The following GMCL1 variants were observed in gnomAD, a reference collection of about 807,000 sequenced individuals.
The protein encoded by GMCL1 is germ cell-less 1, spermatogenesis associated, also known as germ cell-less protein-like 1.
GMCL1 carries 54 observed loss-of-function variants against 75.5 expected under a neutral mutation model. The ratio of observed to expected loss-of-function variants is 0.71; its 90% CI spans 0.57 to 0.90. The LOEUF is 0.90. GMCL1 is among the 40% of genes least tolerant of loss of function. The pLI is 0.00. For synonymous variants in GMCL1, 210 were observed against 209.6 expected (o/e 1.00, Z -0.02); for missense variants, 537 against 622.7 (o/e 0.86, Z 1.47).
chr2:69,869,983 T>G, intron 12 of GMCL1, 119 bp downstream of exon 12: 1 of 950,864 alleles, frequency 1.1e-6, no homozygotes, highest in Non-Finnish European at 1.5e-6. Flanking sequence ...TATGTGGAAG[T>G]GGTAGGAAAT....
intron 13 of GMCL1, among the ~76,000 whole-genome samples, chr2:69,875,713 T>C (rs929363194): frequency 6.6e-6 from 1 of 151,786 alleles, no homozygotes; most frequent in African/African-American, 2.4e-5. Context: ...TTTTTTTTTT[T>C]GAAACGGAGT....
At chr2:69,840,268 A>T (rs769567869) in intron 3 of GMCL1, 1 of 152,150 alleles carries the variant, frequency 6.6e-6, no homozygotes, top group Admixed American at 6.6e-5. Context: ...AAATTAGCCA[A>T]GCGTGGTGGC....
chr2:69,831,639 G>A (rs116058107), intron 1 of GMCL1, among the ~76,000 whole-genome samples: 1 of 151,642 alleles, frequency 6.6e-6, no homozygotes, highest in Admixed American at 6.6e-5. Context: ...ACAGGGTCTC[G>A]CTGTGTCGCC....
At chr2:69,833,576 A>G (rs556912967) in intron 1 of GMCL1, among the ~76,000 whole-genome samples, 1 of 152,270 alleles carries the variant, frequency 6.6e-6, no homozygotes, top group Non-Finnish European at 1.5e-5. Flanking sequence ...AGATTGCGCC[A>G]CTGCGCTCCA....
intron 11 of GMCL1, 117 bp downstream of exon 11, chr2:69,865,092 CT>C (rs1323856271): frequency 3.0e-6 from 2 of 676,076 alleles, no homozygotes; most frequent in Non-Finnish European, 5.1e-6. Context: ...GTTTGATACA[CT>C]TTCTGTAGCA....
chr2:69,869,201 A>T (rs1393867918), intron 11 of GMCL1, among the ~76,000 whole-genome samples: 10 of 150,260 alleles, frequency 6.7e-5, no homozygotes, highest in Non-Finnish European at 1.5e-4. Context: ...GTGAGCCAAG[A>T]TCATGCCATT....
chr2:69,859,328 T>C (rs1001585464), intron 9 of GMCL1, among the ~76,000 whole-genome samples: 4 of 151,338 alleles, frequency 2.6e-5, no homozygotes, highest in African/African-American at 9.7e-5. Flanking sequence ...TTTAAATATA[T>C]ATATATATAT....
At chr2:69,842,890 C>A (rs947066929) in intron 4 of GMCL1, 8 of 234,458 alleles carry the variant, frequency 3.4e-5, no homozygotes, top group African/African-American at 1.2e-4. Flanking sequence ...TAGCAGTATT[C>A]ATTCTCTACC....
chr2:69,850,751 G>A (rs1675294760), intron 8 of GMCL1, among the ~76,000 whole-genome samples: 1 of 152,074 alleles, frequency 6.6e-6, no homozygotes, highest in African/African-American at 2.4e-5. Context: ...AATTCCCATG[G>A]TACAAATTTT....
intron 1 of GMCL1, among the ~76,000 whole-genome samples, chr2:69,832,292 T>C (rs1437092953): frequency 6.6e-6 from 1 of 152,148 alleles, no homozygotes; most frequent in African/African-American, 2.4e-5. Context: ...CATATGTAAA[T>C]TGGAGATATA....
In GMCL1 at chr2:69,853,634, CAT is replaced by C. The variant is rs1675382631; in HGVS notation, c.935-1187_935-1186del. ...TGGGTATATGTCGTTTAACAGAAAA[CAT>C]AGACTAGGGCTCATGCACAAATACC... On this transcript the variant is annotated intron_variant, in intron 8 of 13. Coordinates refer to ENST00000282570, the MANE Select transcript of GMCL1 (RefSeq NM_178439.5). 3.3e-5 allele frequency among the ~76,000 whole-genome samples: 5 copies of C among 152,196 alleles called. No individual in the cohort carries two copies. In the South Asian group the frequency reaches 1.0e-3, roughly 32 times the overall value.
At chr2:69,830,883 A>G (rs983992002) in intron 1 of GMCL1, among the ~76,000 whole-genome samples, 4 of 151,858 alleles carry the variant, frequency 2.6e-5, no homozygotes, top group Non-Finnish European at 5.9e-5. Context: ...TTGTTTTTAA[A>G]GGTTATTTGG....
intron 11 of GMCL1, among the ~76,000 whole-genome samples, chr2:69,869,125 T>G (rs942196939): frequency 4.0e-5 from 6 of 151,816 alleles, no homozygotes; most frequent in Non-Finnish European, 8.8e-5. Context: ...GGCGCATGCC[T>G]GTAATCCCAG....
intron 9 of GMCL1, among the ~76,000 whole-genome samples, chr2:69,856,642 T>C (rs1230382101): frequency 8.8e-5 from 3 of 34,132 alleles, no homozygotes; most frequent in South Asian, 9.7e-4. Flanking sequence ...CTTCCCTCCT[T>C]TTTTTTTTTT....
chr2:69,841,295 G>GA (rs1218123090), intron 4 of GMCL1, among the ~76,000 whole-genome samples: 22 of 151,580 alleles, frequency 1.5e-4, no homozygotes, highest in Middle Eastern at 3.4e-3. Flanking sequence ...CTATAATGTG[G>GA]AAAAAACGTA....
intron 1 of GMCL1, among the ~76,000 whole-genome samples, chr2:69,830,712 G>T (rs1446928195): frequency 6.7e-6 from 1 of 148,576 alleles, no homozygotes; most frequent in Non-Finnish European, 1.5e-5. Flanking sequence ...TGAAGTCGTT[G>T]ACCGTGGATG....
intron 1 of GMCL1, among the ~76,000 whole-genome samples, chr2:69,831,652 G>A: frequency 6.6e-6 from 1 of 151,900 alleles, no homozygotes; most frequent in Non-Finnish European, 1.5e-5. Context: ...GTGTCGCCCA[G>A]GCTGGAATGC....
intron 9 of GMCL1, among the ~76,000 whole-genome samples, chr2:69,855,852 G>A (rs1161194396): frequency 1.3e-5 from 2 of 152,230 alleles, no homozygotes; most frequent in East Asian, 3.8e-4. Flanking sequence ...AATGTTAGAT[G>A]CCAAAGCCAA....
chr2:69,851,703 G>A (rs548894881), intron 8 of GMCL1, among the ~76,000 whole-genome samples: 1 of 152,190 alleles, frequency 6.6e-6, no homozygotes, highest in South Asian at 2.1e-4. Flanking sequence ...TGTCAGGGCT[G>A]CAGTGAGCCA....
Sources: allele counts gnomAD v4.1 joint callset (sites outside exome capture counted in the v4.1 genomes callset), GRCh38; gene constraint gnomAD v4.1.1; transcripts MANE v1.5; gene names NCBI Gene and HGNC (gene_info 2026-07-23, HGNC 2026-07-21).